RTN4R: variants seen among roughly 807,000 people sequenced by gnomAD.
RTN4R encodes the protein reticulon 4 receptor.
A neutral mutation model predicts 27.7 loss-of-function variants in RTN4R; 4 were observed. The observed-to-expected ratio is 0.14, with a 90% confidence interval of 0.07 to 0.33. RTN4R has a LOEUF of 0.33. Among genes scored for constraint, RTN4R ranks in the 10% least tolerant of loss-of-function variants. The probability of loss-of-function intolerance (pLI) is 1.00; values close to 1 mark genes in which losing one functional copy is unlikely to be tolerated. For synonymous variants in RTN4R, 290 were observed against 305.6 expected (o/e 0.95, Z 0.53); for missense variants, 554 against 671.5 (o/e 0.83, Z 1.93).
chr22:20,252,284 T>C (rs1277382552), intron 1 of RTN4R, among the ~76,000 whole-genome samples: 2 of 152,118 alleles, frequency 1.3e-5, no homozygotes, highest in Non-Finnish European at 2.9e-5. Flanking sequence ...AGGTGAGCAA[T>C]GGGTCAGTAC....
chr22:20,268,020 C>G, intron 1 of RTN4R, 51 bp downstream of exon 1: 1 of 1,099,038 alleles, frequency 9.1e-7, no homozygotes, highest in Non-Finnish European at 1.1e-6. Flanking sequence ...GCGAGCCGCC[C>G]CCCTCCGCGC....
chr22:20,259,538 G>T (rs1278744939), intron 1 of RTN4R, among the ~76,000 whole-genome samples: 1 of 152,060 alleles, frequency 6.6e-6, no homozygotes. Flanking sequence ...GTCCACCTCC[G>T]CAGCCTCTGC....
intron 1 of RTN4R, among the ~76,000 whole-genome samples, chr22:20,265,985 A>G (rs1034048220): frequency 2.6e-5 from 4 of 152,186 alleles, no homozygotes; most frequent in Non-Finnish European, 4.4e-5. Flanking sequence ...CTGAGCCAGG[A>G]CCCAAATCCA....
Position 20,241,677 on chromosome 22 carries a change from T to G in RTN4R, c.*34A>C. ...GAGAGACCCCGTATGTACACACACC[T>G]GGCTGCTGAGCACGCTCTTGTGTCC... On this transcript the variant is annotated 3_prime_UTR_variant, in exon 2 of 2. Transcript: ENST00000043402. 1.9e-6 allele frequency: 3 copies of G among 1,547,764 alleles called. No homozygotes were observed. Among genetic ancestry groups the G allele is most frequent in the Non-Finnish European group, 2.6e-6 (3 of 1,146,128 alleles).
chr22:20,260,180 C>T (rs1331802504), intron 1 of RTN4R, among the ~76,000 whole-genome samples: 1 of 152,132 alleles, frequency 6.6e-6, no homozygotes, highest in African/African-American at 2.4e-5. Flanking sequence ...TGTTGTCTCA[C>T]GTGGCCCTAG....
intron 1 of RTN4R, among the ~76,000 whole-genome samples, chr22:20,251,555 TCAG>T (rs1232004996): frequency 6.7e-6 from 1 of 149,554 alleles, no homozygotes; most frequent in African/African-American, 2.5e-5. Flanking sequence ...ACCATAATCA[TCAG>T]CAGCAGCATC....
chr22:20,251,061 T>C (rs113516329), intron 1 of RTN4R, among the ~76,000 whole-genome samples: 11 of 152,274 alleles, frequency 7.2e-5, no homozygotes, highest in African/African-American at 2.6e-4. Context: ...GGCCCCTCCA[T>C]GCCAGTCCAC....
intron 1 of RTN4R, among the ~76,000 whole-genome samples, chr22:20,258,058 G>A (rs564383173): frequency 1.3e-3 from 199 of 152,304 alleles, no homozygotes; most frequent in African/African-American, 4.6e-3. Context: ...TCTCCCTGGA[G>A]GACCTTCTCA....
chr22:20,257,244 G>A (rs987501740), intron 1 of RTN4R, among the ~76,000 whole-genome samples: 6 of 152,338 alleles, frequency 3.9e-5, no homozygotes, highest in African/African-American at 1.4e-4. Flanking sequence ...CCAAGGGCAC[G>A]GTCTCTAAGT....
intron 1 of RTN4R, chr22:20,267,790 C>T: frequency 5.0e-6 from 2 of 397,886 alleles, no homozygotes; most frequent in South Asian, 2.1e-5. Flanking sequence ...TCGACTTGGC[C>T]CAGCATCGGG....
chr22:20,243,606 G>A (rs2051122956), intron 1 of RTN4R: 2 of 432,490 alleles, frequency 4.6e-6, no homozygotes, highest in South Asian at 1.7e-5. Context: ...CGAGGGCGGG[G>A]GTGGAGGGCA....
In RTN4R at chr22:20,242,170, G is replaced by C. The variant is rs374934933; in HGVS notation, c.963C>G (p.Thr321=). 6.2e-7 allele frequency: 1 copy of C among 1,611,554 alleles called. No individual in the cohort carries two copies. Among genetic ancestry groups the C allele is most frequent in the Non-Finnish European group, 8.5e-7 (1 of 1,179,444 alleles). Residue 321 remains threonine, a synonymous_variant, in exon 2 of 2, where the codon ACC becomes ACG. Coordinates refer to ENST00000043402, the MANE Select transcript of RTN4R (RefSeq NM_023004.6). ...VATGPYHPIW[T]GRATDEEPLG... ...GCGGCTCCTCATCGGTGGCCCTGCC[G>C]GTCCAGATGGGATGGTAAGGGCCGG...
chr22:20,245,460 CG>C (rs898059950), intron 1 of RTN4R, among the ~76,000 whole-genome samples: 3 of 152,130 alleles, frequency 2.0e-5, no homozygotes, highest in African/African-American at 7.2e-5. Flanking sequence ...TCTTCACAGC[CG>C]GGGCCCTGGG....
chr22:20,256,249 G>A (rs1438836066), intron 1 of RTN4R, among the ~76,000 whole-genome samples: 5 of 152,210 alleles, frequency 3.3e-5, no homozygotes, highest in African/African-American at 1.2e-4. Context: ...CCAGGGCACA[G>A]AGGGGTCCCT....
chr22:20,245,391 G>A (rs770315001), intron 1 of RTN4R, among the ~76,000 whole-genome samples: 1 of 152,234 alleles, frequency 6.6e-6, no homozygotes, highest in East Asian at 1.9e-4. Context: ...TCTGCTGAGC[G>A]AGCAGGAGGG....
chr22:20,267,537 G>C, intron 1 of RTN4R: 1 of 455,342 alleles, frequency 2.2e-6, no homozygotes, highest in Non-Finnish European at 4.5e-6. Flanking sequence ...CCTGGAGGCA[G>C]CGCTGGGACA....
chr22:20,256,890 G>A (rs753913676), intron 1 of RTN4R, among the ~76,000 whole-genome samples: 8 of 152,176 alleles, frequency 5.3e-5, no homozygotes, highest in Non-Finnish European at 1.0e-4. Context: ...CCACTCCCAC[G>A]GTCTCCTTGA....
intron 1 of RTN4R, among the ~76,000 whole-genome samples, chr22:20,251,871 CA>C (rs2051182149): frequency 2.1e-5 from 1 of 48,576 alleles, no homozygotes. Flanking sequence ...TCCTCATCAC[CA>C]TCATCACTAT....
intron 1 of RTN4R, among the ~76,000 whole-genome samples, chr22:20,244,492 C>A (rs1186372594): frequency 1.3e-5 from 2 of 152,210 alleles, no homozygotes; most frequent in African/African-American, 4.8e-5. Context: ...AGCCTGGGGG[C>A]CTCCTCTGCC....
Sources: gnomAD v4.1 joint callset for allele counts (sites outside exome capture counted in the v4.1 genomes callset) on GRCh38, gnomAD v4.1.1 for gene constraint, MANE v1.5 for transcripts, NCBI Gene and HGNC (gene_info 2026-07-23, HGNC 2026-07-21) for gene names.